ASIC2: variants seen among roughly 807,000 people sequenced by gnomAD.
The protein encoded by ASIC2 is acid sensing ion channel subunit 2.
Under a neutral mutation model 57.3 loss-of-function variants are expected in ASIC2, and 25 were observed. The ratio of observed to expected loss-of-function variants is 0.44; its 90% CI spans 0.32 to 0.61. ASIC2 has a LOEUF of 0.61. Among genes scored for constraint, ASIC2 ranks in the 20% least tolerant of loss-of-function variants. The probability of loss-of-function intolerance (pLI) is 0.06; values close to 1 mark genes in which losing one functional copy is unlikely to be tolerated. For synonymous variants in ASIC2, 319 were observed against 307.5 expected (o/e 1.04, Z -0.39); for missense variants, 641 against 738.1 (o/e 0.87, Z 1.52).
chr17:33,547,037 C>T (rs1031228728), intron 1 of ASIC2, among the ~76,000 whole-genome samples: 3 of 152,156 alleles, frequency 2.0e-5, no homozygotes, highest in African/African-American at 7.2e-5. Context: ...ATCAGAACCA[C>T]CTGGAAGGCT....
chr17:33,427,724 C>G (rs73983669), intron 1 of ASIC2, among the ~76,000 whole-genome samples: 6,696 of 152,276 alleles, frequency 0.044, 471 homozygotes, highest in African/African-American at 0.15. Context: ...TGGCTGTACA[C>G]TAGAGATACC....
At chr17:33,944,304 T>C (rs1916257846) in intron 1 of ASIC2, among the ~76,000 whole-genome samples, 3 of 152,246 alleles carry the variant, frequency 2.0e-5, no homozygotes, top group African/African-American at 7.2e-5. Flanking sequence ...GAAGAACTCC[T>C]ATGAGACTAC....
chr17:33,636,451 G>C (rs1906368515), intron 1 of ASIC2, among the ~76,000 whole-genome samples: 1 of 152,012 alleles, frequency 6.6e-6, no homozygotes, highest in Non-Finnish European at 1.5e-5. Context: ...CTCATTATTG[G>C]GCCACCTTGT....
intron 1 of ASIC2, among the ~76,000 whole-genome samples, chr17:34,088,517 G>C (rs577856961): frequency 3.9e-5 from 6 of 152,220 alleles, no homozygotes; most frequent in African/African-American, 1.2e-4. Flanking sequence ...CAGTCTGCCC[G>C]TTCTCAGATC....
At chr17:33,522,014 G>A (rs565241680) in intron 1 of ASIC2, among the ~76,000 whole-genome samples, 85 of 152,316 alleles carry the variant, frequency 5.6e-4, no homozygotes, top group Admixed American at 1.3e-3. Flanking sequence ...CCTGGCCTAT[G>A]GGATAGCTGA....
intron 1 of ASIC2, among the ~76,000 whole-genome samples, chr17:34,000,311 G>C (rs1431944765): frequency 6.8e-6 from 1 of 147,588 alleles, no homozygotes; most frequent in Non-Finnish European, 1.5e-5. Context: ...GAGTGCAATG[G>C]TGCGATCTCG....
At chr17:34,106,960 C>T (rs1911083075) in intron 1 of ASIC2, among the ~76,000 whole-genome samples, 1 of 152,072 alleles carries the variant, frequency 6.6e-6, no homozygotes, top group Non-Finnish European at 1.5e-5. Context: ...CTAAGAAATA[C>T]ATGCATGGAC....
At chr17:33,800,249 A>G (rs1415806106) in intron 1 of ASIC2, among the ~76,000 whole-genome samples, 4 of 152,126 alleles carry the variant, frequency 2.6e-5, no homozygotes, top group African/African-American at 9.7e-5. Flanking sequence ...CCGATTTCCT[A>G]AAGAAGTTCA....
chr17:33,573,723 G>T (rs929435441), intron 1 of ASIC2, among the ~76,000 whole-genome samples: 1 of 151,956 alleles, frequency 6.6e-6, no homozygotes, highest in Admixed American at 6.6e-5. Flanking sequence ...ATACCACCAC[G>T]CCCCGCTAAT....
intron 1 of ASIC2, among the ~76,000 whole-genome samples, chr17:33,425,920 G>A (rs561606713): frequency 3.1e-4 from 47 of 152,236 alleles, no homozygotes; most frequent in Admixed American, 1.4e-3. Flanking sequence ...CCGGTCAGGC[G>A]CAGCGCCAAC....
intron 1 of ASIC2, among the ~76,000 whole-genome samples, chr17:33,992,243 T>A (rs1450221363): frequency 6.6e-6 from 1 of 152,194 alleles, no homozygotes; most frequent in Non-Finnish European, 1.5e-5. Context: ...TATCTCTCCT[T>A]TTGGGCAGAA....
At chr17:33,951,221 A>G (rs1904551935) in intron 1 of ASIC2, among the ~76,000 whole-genome samples, 1 of 152,226 alleles carries the variant, frequency 6.6e-6, no homozygotes, top group Non-Finnish European at 1.5e-5. Flanking sequence ...ATGATTTACA[A>G]ATACTAACTC....
chr17:33,196,415 G>T (rs1043694890), intron 1 of ASIC2, among the ~76,000 whole-genome samples: 6 of 152,120 alleles, frequency 3.9e-5, no homozygotes, highest in African/African-American at 1.4e-4. Flanking sequence ...CCACCAAGAA[G>T]GATAAAAATA....
chr17:34,019,531 T>C (rs932620912), intron 1 of ASIC2, among the ~76,000 whole-genome samples: 1 of 152,134 alleles, frequency 6.6e-6, no homozygotes, highest in Non-Finnish European at 1.5e-5. Context: ...GGCAAGACCC[T>C]CCACCAGCAA....
At chr17:33,873,667 T>G (rs529320759) in intron 1 of ASIC2, among the ~76,000 whole-genome samples, 1 of 152,218 alleles carries the variant, frequency 6.6e-6, no homozygotes, top group Non-Finnish European at 1.5e-5. Context: ...GGTAATACCA[T>G]GTACAAAAGC....
At chr17:33,158,699 G>A (rs574538054) in intron 1 of ASIC2, among the ~76,000 whole-genome samples, 1 of 152,338 alleles carries the variant, frequency 6.6e-6, no homozygotes, top group East Asian at 1.9e-4. Flanking sequence ...ACCCATGAGT[G>A]ACTTCGGGCA....
chr17:33,924,980 A>G (rs889518303), intron 1 of ASIC2, among the ~76,000 whole-genome samples: 9 of 152,342 alleles, frequency 5.9e-5, no homozygotes, highest in Middle Eastern at 6.8e-3. Context: ...GAGATCCATC[A>G]TGCCCACCTC....
At chr17:33,773,541 T>C (rs1911179137) in intron 1 of ASIC2, among the ~76,000 whole-genome samples, 1 of 152,196 alleles carries the variant, frequency 6.6e-6, no homozygotes, top group South Asian at 2.1e-4. Context: ...TTCTAGTCAT[T>C]TTCTCTCTGT....
intron 1 of ASIC2, among the ~76,000 whole-genome samples, chr17:33,401,360 A>G (rs930775040): frequency 2.6e-5 from 4 of 151,968 alleles, no homozygotes; most frequent in African/African-American, 4.8e-5. Context: ...TCTGAACTCC[A>G]TTCCTTGATC....
Sources: allele counts gnomAD v4.1 joint callset (sites outside exome capture counted in the v4.1 genomes callset), GRCh38; gene constraint gnomAD v4.1.1; transcripts MANE v1.5; gene names NCBI Gene and HGNC (gene_info 2026-07-23, HGNC 2026-07-21).